MAP3K12: variants seen among roughly 807,000 people sequenced by gnomAD.
MAP3K12 encodes the protein MAPK-upstream kinase.
A neutral mutation model predicts 87.5 loss-of-function variants in MAP3K12; 14 were observed. The observed-to-expected ratio is 0.16, with a 90% confidence interval of 0.11 to 0.25. The LOEUF (loss-of-function observed/expected upper bound fraction) is 0.25. Ranked by LOEUF, MAP3K12 falls within the 10% of genes least tolerant of loss-of-function variation. The probability of loss-of-function intolerance (pLI) is 1.00; values close to 1 mark genes in which losing one functional copy is unlikely to be tolerated. For missense variants in MAP3K12, 802 were observed against 1,140.4 expected, an observed-to-expected ratio of 0.70 and a Z score of 4.27; for synonymous variants, 469 against 452.5, an observed-to-expected ratio of 1.04 and a Z score of -0.46.
Position 53,486,342 on chromosome 12 carries a change from T to A in MAP3K12, c.630-95A>T, listed in dbSNP as rs1286855231. 7 of 1,559,424 alleles carry A rather than the reference T, an allele frequency of 4.5e-6. No homozygotes were observed. Among genetic ancestry groups the A allele is most frequent in the African/African-American group, 1.4e-5 (1 of 73,788 alleles). On this transcript the variant is annotated intron_variant, in intron 3 of 13. Coordinates refer to ENST00000547488, the MANE Select transcript of MAP3K12 (RefSeq NM_001193511.2). The surrounding 1 kb of genome is among the most constrained non-coding windows in gnomAD (Gnocchi z 4.9). ...CATTCCCACCCATTCCACCTATGGATCTCCTCTGGGGAAGGATGGGGTAGG... is the reference window on the plus strand; with the variant it reads ...CATTCCCACCCATTCCACCTATGGAACTCCTCTGGGGAAGGATGGGGTAGG...
At chr12:53,483,792 A>G (rs1943148177) in intron 8 of MAP3K12, 69 bp from the exon 9 acceptor site, 16 of 1,612,302 alleles carry the variant, frequency 9.9e-6, no homozygotes, top group Non-Finnish European at 1.4e-5. Flanking sequence ...TCTCAGTCTC[A>G]GAATTCCTGT....
chr12:53,483,694 T>G lies in MAP3K12; in HGVS notation c.1388A>C (p.Glu463Ala). 1 of 1,614,002 alleles carries G rather than the reference T, an allele frequency of 6.2e-7. No individual in the cohort carries two copies. The highest frequency in any genetic ancestry group is 8.5e-7 in the Non-Finnish European group (1 of 1,180,030). Reference sequence around the variant, plus strand: ...GTTGTTGGCTCTCTCCAGCTTCCTTTCATAGTGCTCCCTGATGTCCAGGGC... The same window carrying G: ...GTTGTTGGCTCTCTCCAGCTTCCTTGCATAGTGCTCCCTGATGTCCAGGGC... ...RHALDIREHY[E>A]RKLERANNLY... is the part of the protein sequence containing the mutation. The change falls in exon 9 of 14, where the codon GAA (glutamate) becomes GCA (alanine). Residue 463 changes from glutamate to alanine, a missense_variant. Physicochemically the swap from Glu to Ala is moderately radical, Grantham distance 107. Coordinates refer to ENST00000547488, the MANE Select transcript of MAP3K12 (RefSeq NM_001193511.2).
rs1943118300 is a variant in MAP3K12, at chr12:53,483,036, A to G, written c.1767T>C (p.Cys589=). The change falls in exon 11 of 14, where the codon TGT becomes TGC. Residue 589 remains cysteine, a synonymous_variant. Coordinates refer to ENST00000547488, the MANE Select transcript of MAP3K12 (RefSeq NM_001193511.2). ...CTGTACGAAGCCCAGGCAGGTCCCC[A>G]CAGCTCCCCTTGGCGCTGGCCTTGC... ...RHRKASAKGS[C]GDLPGLRTAV... is the part of the protein sequence containing the mutation. 3 of 1,554,778 alleles carry G rather than the reference A, an allele frequency of 1.9e-6. No individual in the cohort carries two copies. Among genetic ancestry groups the G allele is most frequent in the Non-Finnish European group, 2.6e-6 (3 of 1,151,218 alleles).
intron 1 of MAP3K12, among the ~76,000 whole-genome samples, chr12:53,491,587 C>T (rs1256311274): frequency 6.6e-6 from 1 of 151,214 alleles, no homozygotes; most frequent in Non-Finnish European, 1.5e-5. Context: ...GCGCCCGCCA[C>T]GACGCCCGGC....
chr12:53,484,968 C>A lies in MAP3K12; in HGVS notation c.1139+88G>T, dbSNP rs1414741981. 5 of 1,489,438 alleles carry A rather than the reference C, an allele frequency of 3.4e-6. 1 individual carries two copies. Among genetic ancestry groups the A allele is most frequent in the Non-Finnish European group, 2.8e-6 (3 of 1,082,898 alleles). 92.3% of individuals were successfully genotyped at this position (1,489,438 alleles called of 1,614,324 possible). A position where few individuals can be genotyped will look rare whatever the true frequency, so the allele number is the denominator to read the frequency against. On this transcript the variant is annotated intron_variant, in intron 6 of 13. Transcript: ENST00000547488. ...AGTCAGTCTCTTTGAATTAAATGTA[C>A]CCCTGCCATTTATTGGTCAGTCCAG...
chr12:53,484,018 T>C lies in MAP3K12; in HGVS notation c.1251A>G (p.Ala417=), dbSNP rs1331193469. ...TPQETYFKSQ[A]EWREEVKLHF... is the part of the protein sequence containing the mutation. ...GCAGTTTTACTTCTTCCCGCCACTCTGCCTATGGGTTGAGAGCAGATGAAG... is the reference window on the plus strand; with the variant it reads ...GCAGTTTTACTTCTTCCCGCCACTCCGCCTATGGGTTGAGAGCAGATGAAG... The change falls in exon 8 of 14, where the codon GCA becomes GCG. Residue 417 remains alanine, a splice_region_variant and synonymous_variant. Transcript: ENST00000547488. The C allele has an allele frequency of 3.1e-6, 5 of 1,613,878 alleles. No individual in the cohort carries two copies. The African/African-American group carries it at 4.0e-5, about 13-fold the overall frequency.
intron 1 of MAP3K12, among the ~76,000 whole-genome samples, chr12:53,492,450 TGCGCGCGCGC>T (rs764285512): frequency 7.9e-5 from 12 of 151,112 alleles, no homozygotes; most frequent in East Asian, 5.9e-4. Flanking sequence ...ACACTCTCTC[TGCGCGCGCGC>T]GCGCGCGCAA....
chr12:53,498,941 T>G (rs1322766434), intron 1 of MAP3K12, among the ~76,000 whole-genome samples: 3 of 11,356 alleles, frequency 2.6e-4, no homozygotes, highest in African/African-American at 6.7e-4. Flanking sequence ...TGTGTGTGTG[T>G]GTGTGTGTGT....
rs556971751 is a variant in MAP3K12, at chr12:53,482,699, C to T, written c.2104G>A (p.Val702Ile). The T allele has an allele frequency of 1.2e-6, 2 of 1,614,038 alleles. No individual in the cohort carries two copies. The highest frequency in any genetic ancestry group is 2.2e-5 in the East Asian group (1 of 44,876). Residue 702 changes from valine to isoleucine, a missense_variant, in exon 11 of 14, where the codon GTA becomes ATA. By Grantham distance (29) the Val-to-Ile change is conservative (BLOSUM62 3). Transcript: ENST00000547488. ...AGCCCCACACCTTCACCAGGCCCTA[C>T]TGGAGGAGGTGGTTCCCCTTTGGCT... ...GGAKGEPPPP[V>I]GPGEGVGLLG...
rs1472155780 is a variant in MAP3K12 at position 53,482,865 on chromosome 12, C to G, written c.1938G>C (p.Leu646=). The G allele has an allele frequency of 1.9e-6, 3 of 1,612,732 alleles. No homozygotes were observed. The highest frequency in any genetic ancestry group is 1.1e-5 in the South Asian group (1 of 90,976). ...CCCGGGACCCTAGTGCTGCTGACAG[C>G]AGGTCTGGGGACGATGAAGACATTT... ...LRKMSSSSPD[L]LSAALGSRGR... is the part of the protein sequence containing the mutation. The change falls in exon 11 of 14, where the codon CTG becomes CTC. Residue 646 remains leucine (L), a synonymous_variant. Transcript: ENST00000547488.
Position 53,486,048 on chromosome 12 carries a change from T to C in MAP3K12, c.821+8A>G. On this transcript the variant is annotated splice_region_variant and intron_variant, in intron 4 of 13. Transcript: ENST00000547488. The surrounding 1 kb of genome is among the most constrained non-coding windows in gnomAD (Gnocchi z 4.9). ...TGCACATCTGTTGCTCCCTGCTTGCTTACTCACTTGGGTGACTTGAGATCC... is the reference window on the plus strand; with the variant it reads ...TGCACATCTGTTGCTCCCTGCTTGCCTACTCACTTGGGTGACTTGAGATCC... 1 of 1,595,836 alleles carries C rather than the reference T, an allele frequency of 6.3e-7. No individual in the cohort carries two copies. The highest frequency in any genetic ancestry group is 8.5e-7 in the Non-Finnish European group (1 of 1,169,624).
chr12:53,483,324 T>G, intron 10 of MAP3K12, 25 bp downstream of exon 10: 5 of 1,610,646 alleles, frequency 3.1e-6, no homozygotes, highest in Non-Finnish European at 4.2e-6. Flanking sequence ...CTTGCCATAT[T>G]GGAACCACAG....
chr12:53,498,266 T>G (rs557613572), intron 1 of MAP3K12, among the ~76,000 whole-genome samples: 223 of 152,280 alleles, frequency 1.5e-3, no homozygotes, highest in Middle Eastern at 3.4e-3. Context: ...TCCTAAATCC[T>G]TTCTGTTAGC....
intron 1 of MAP3K12, among the ~76,000 whole-genome samples, chr12:53,490,321 G>A (rs1461467217): frequency 6.6e-6 from 1 of 151,964 alleles, no homozygotes; most frequent in African/African-American, 2.4e-5. Context: ...ACAAAAAACA[G>A]ATTGGGCCAG....
intron 6 of MAP3K12, chr12:53,484,695 T>C: frequency 2.3e-6 from 1 of 443,148 alleles, no homozygotes; most frequent in South Asian, 2.5e-5. Context: ...TGGGTCTAGG[T>C]TCCAAATGAG....
intron 1 of MAP3K12, among the ~76,000 whole-genome samples, chr12:53,488,356 G>T (rs1333216699): frequency 1.3e-5 from 2 of 152,186 alleles, no homozygotes; most frequent in African/African-American, 4.8e-5. Flanking sequence ...TCATAGCTGG[G>T]TGCTATTTAA....
chr12:53,481,346 C>T (rs1199819553), intron 13 of MAP3K12, 66 bp from the exon 14 acceptor site: 4 of 845,386 alleles, frequency 4.7e-6, no homozygotes, highest in Non-Finnish European at 6.8e-6. Context: ...TTTTAATAGC[C>T]AGTGGCTTAC....
At chr12:53,490,950 C>T (rs187972688) in intron 1 of MAP3K12, among the ~76,000 whole-genome samples, 3 of 152,054 alleles carry the variant, frequency 2.0e-5, no homozygotes, top group East Asian at 1.9e-4. Context: ...AACTTGGCCA[C>T]GTCGGGTTTT....
chr12:53,485,228 G>A lies in MAP3K12; in HGVS notation c.981-14C>T, dbSNP rs778557484. On this transcript the variant is annotated splice_polypyrimidine_tract_variant and intron_variant, in intron 5 of 13. Coordinates refer to ENST00000547488, the MANE Select transcript of MAP3K12 (RefSeq NM_001193511.2). ...ACGCCAAAGGACCTAGGGATGAGGG[G>A]ACATCACTTGTGCTCAAGCCCTAGA... 1.9e-6 allele frequency: 3 copies of A among 1,605,470 alleles called. No individual in the cohort carries two copies. The highest frequency in any genetic ancestry group is 2.2e-5 in the South Asian group (2 of 89,784).
Sources: gnomAD v4.1 joint callset for allele counts (sites outside exome capture counted in the v4.1 genomes callset) on GRCh38, gnomAD v4.1.1 for gene constraint, Gnocchi (gnomAD v3.1) non-coding constraint, MANE v1.5 for transcripts, NCBI Gene and HGNC (gene_info 2026-07-23, HGNC 2026-07-21) for gene names.